ACTR3C: variants seen among roughly 807,000 people sequenced by gnomAD.
ACTR3C encodes actin-related protein 3C.
ACTR3C carries 18 observed loss-of-function variants against 26.3 expected under a neutral mutation model. That is an observed-to-expected ratio of 0.68 (90% CI 0.47 to 1.01). The LOEUF (loss-of-function observed/expected upper bound fraction) is 1.01, where lower values mean the gene tolerates loss of function less well. ACTR3C is among the 50% of genes least tolerant of loss of function. ACTR3C has a pLI of 0.00. For synonymous variants in ACTR3C, 55 were observed against 94.5 expected (o/e 0.58, Z 2.42); for missense variants, 184 against 250.7 (o/e 0.73, Z 1.80).
the ACTR3C span, among the ~76,000 whole-genome samples, chr7:150,034,712 A>C: frequency 3.3e-5 from 5 of 151,572 alleles, no homozygotes; most frequent in East Asian, 3.9e-4. Context: ...TTGGACACCT[A>C]ATACCCACAG....
chr7:150,168,589 A>G, the ACTR3C span, among the ~76,000 whole-genome samples: 1 of 150,626 alleles, frequency 6.6e-6, no homozygotes, highest in African/African-American at 2.5e-5. Flanking sequence ...CAAACCCATC[A>G]CCTGCCACTC....
At chr7:150,216,702 G>A in the ACTR3C span, among the ~76,000 whole-genome samples, 1 of 152,000 alleles carries the variant, frequency 6.6e-6, no homozygotes, top group Non-Finnish European at 1.5e-5. Context: ...AAAAGAGGCT[G>A]TTGGCCGGGC....
At chr7:149,940,026 G>A in the ACTR3C span, among the ~76,000 whole-genome samples, 1 of 119,706 alleles carries the variant, frequency 8.4e-6, no homozygotes, top group African/African-American at 2.8e-5. Context: ...TGGGGCACAT[G>A]TTTGCTTAAA....
At chr7:150,266,450 A>G (rs989206228) in intron 6 of ACTR3C, among the ~76,000 whole-genome samples, 4 of 151,720 alleles carry the variant, frequency 2.6e-5, no homozygotes, top group African/African-American at 4.9e-5. Context: ...ACTGAGTTAA[A>G]TGTAAGGGCT....
chr7:150,013,697 G>A, the ACTR3C span, among the ~76,000 whole-genome samples: 1 of 152,226 alleles, frequency 6.6e-6, no homozygotes, highest in African/African-American at 2.4e-5. Context: ...CTAAGTCCCT[G>A]GAGCTGTCCC....
At chr7:149,924,614 T>C in the ACTR3C span, among the ~76,000 whole-genome samples, 1 of 152,110 alleles carries the variant, frequency 6.6e-6, no homozygotes, top group African/African-American at 2.4e-5. Flanking sequence ...CAATCTCTTT[T>C]GCCAATAACA....
chr7:150,070,036 T>C, the ACTR3C span, among the ~76,000 whole-genome samples: 4 of 151,926 alleles, frequency 2.6e-5, no homozygotes, highest in Non-Finnish European at 4.4e-5. Flanking sequence ...AGAACTGAGG[T>C]CCAGGTCTGT....
chr7:150,137,625 G>A, the ACTR3C span, among the ~76,000 whole-genome samples: 10 of 152,046 alleles, frequency 6.6e-5, no homozygotes, highest in African/African-American at 2.4e-4. Context: ...CTTCGCTCAG[G>A]GGTCTTTAAT....
At chr7:150,018,421 A>T in the ACTR3C span, among the ~76,000 whole-genome samples, 20 of 149,256 alleles carry the variant, frequency 1.3e-4, 1 homozygote, top group South Asian at 8.4e-4. Flanking sequence ...AAAAAAATTT[A>T]AAAAATCTAC....
At chr7:149,989,231 C>A in the ACTR3C span, among the ~76,000 whole-genome samples, 4 of 152,244 alleles carry the variant, frequency 2.6e-5, no homozygotes, top group Admixed American at 1.3e-4. Context: ...TACATATACA[C>A]ATATGGAATG....
the ACTR3C span, among the ~76,000 whole-genome samples, chr7:150,121,230 G>C: frequency 2.0e-5 from 3 of 152,150 alleles, no homozygotes; most frequent in African/African-American, 7.2e-5. Flanking sequence ...TTCTTGCCAG[G>C]GCGATCAGGC....
chr7:150,142,848 G>GTTTTT, the ACTR3C span, among the ~76,000 whole-genome samples: 2 of 138,612 alleles, frequency 1.4e-5, no homozygotes, highest in Non-Finnish European at 3.1e-5. Context: ...TTTTGTTTTT[G>GTTTTT]TTTTGAGACG....
At chr7:150,279,006 A>G (rs1835109255) in intron 6 of ACTR3C, among the ~76,000 whole-genome samples, 1 of 152,240 alleles carries the variant, frequency 6.6e-6, no homozygotes, top group Non-Finnish European at 1.5e-5. Context: ...ACTCTTAAAC[A>G]TTAAAAATTA....
chr7:150,284,745 G>A lies in ACTR3C; in HGVS notation c.564+8C>T. 1.9e-6 allele frequency: 3 copies of A among 1,604,462 alleles called. No homozygotes were observed. Among genetic ancestry groups the A allele is most frequent in the Non-Finnish European group, 1.7e-6 (2 of 1,176,528 alleles). The stretch of plus-strand genomic sequence containing the variant: ...GAAATCAAAGTACCTTACCCATGCA[G>A]CTCATACCTTATACAGCGGACGCCG... On this transcript the variant is annotated splice_region_variant and intron_variant, in intron 6 of 7. Coordinates refer to ENST00000683684, the MANE Select transcript of ACTR3C (RefSeq NM_001164458.2).
At chr7:150,166,395 T>C in the ACTR3C span, among the ~76,000 whole-genome samples, 1 of 150,900 alleles carries the variant, frequency 6.6e-6, no homozygotes. Flanking sequence ...TTTTGAAATA[T>C]ATAATAAAGT....
chr7:150,132,189 T>A, the ACTR3C span, among the ~76,000 whole-genome samples: 2 of 152,232 alleles, frequency 1.3e-5, no homozygotes, highest in East Asian at 3.9e-4. Flanking sequence ...AAAACAATAG[T>A]GGTTTTCAGG....
the ACTR3C span, among the ~76,000 whole-genome samples, chr7:149,989,250 A>G: frequency 2.0e-5 from 3 of 152,262 alleles, no homozygotes; most frequent in Non-Finnish European, 4.4e-5. Flanking sequence ...TGCTTATATC[A>G]AGATAGTTAA....
the ACTR3C span, among the ~76,000 whole-genome samples, chr7:149,997,793 A>T: frequency 6.7e-6 from 1 of 150,140 alleles, no homozygotes; most frequent in East Asian, 2.1e-4. Flanking sequence ...ATTAGAACAA[A>T]TCCTGATGTG....
chr7:150,256,575 G>C (rs1362389549), intron 6 of ACTR3C, among the ~76,000 whole-genome samples: 1 of 152,204 alleles, frequency 6.6e-6, no homozygotes, highest in Admixed American at 6.5e-5. Flanking sequence ...TGGACACAAA[G>C]ATGGGACCAA....
Sources: gnomAD v4.1 joint callset for allele counts (sites outside exome capture counted in the v4.1 genomes callset) on GRCh38, gnomAD v4.1.1 for gene constraint, MANE v1.5 for transcripts, NCBI Gene and HGNC (gene_info 2026-07-23, HGNC 2026-07-21) for gene names.